MTR: variants seen among roughly 807,000 people sequenced by gnomAD.
MTR encodes 5-methyltetrahydrofolate-homocysteine methyltransferase, also known as methionine synthase.
Under a neutral mutation model 154.8 loss-of-function variants are expected in MTR, and 84 were observed. The observed-to-expected ratio is 0.54, with a 90% CI of 0.45 to 0.65. The LOEUF (loss-of-function observed/expected upper bound fraction) is 0.65. MTR is among the 30% of genes least tolerant of loss of function. The pLI is 0.00. For synonymous variants in MTR, 554 were observed against 553.9 expected (o/e 1.00, Z 0.00); for missense variants, 1,275 against 1,570.2 (o/e 0.81, Z 3.18).
rs755149192 is a variant in MTR at position 236,795,697 on chromosome 1, C to A, written c.-7C>A. The stretch of plus-strand genomic sequence containing the variant: ...GCGCCCTCTGCGCAAGGAGGAGACT[C>A]GACAACATGTCACCCGCGCTCCAAG... On this transcript the variant is annotated 5_prime_UTR_variant, in exon 1 of 33. An upstream open reading frame in the 5' UTR gains an earlier in-frame stop. Coordinates refer to ENST00000366577, the MANE Select transcript of MTR (RefSeq NM_000254.3). 1 of 1,614,102 alleles carries A rather than the reference C, an allele frequency of 6.2e-7. No individual in the cohort carries two copies. Among genetic ancestry groups the A allele is most frequent in the South Asian group, 1.1e-5 (1 of 91,090 alleles).
At chr1:236,823,991 A>C (rs1233219878) in intron 8 of MTR, 128 bp from the exon 9 acceptor site, 6 of 796,380 alleles carry the variant, frequency 7.5e-6, no homozygotes, top group African/African-American at 3.4e-5. Context: ...TGGTAGTTGA[A>C]TAAAAGTGCT....
intron 24 of MTR, among the ~76,000 whole-genome samples, chr1:236,878,137 T>C (rs1326158902): frequency 6.6e-6 from 1 of 152,222 alleles, no homozygotes; most frequent in Non-Finnish European, 1.5e-5. Flanking sequence ...GCTTGCCTTT[T>C]GCTATCTTAG....
chr1:236,837,834 G>A (rs1235701211), intron 14 of MTR, among the ~76,000 whole-genome samples: 1 of 152,170 alleles, frequency 6.6e-6, no homozygotes, highest in African/African-American at 2.4e-5. Flanking sequence ...CTGGAACAGA[G>A]GTATGAATTA....
intron 20 of MTR, 149 bp from the exon 21 acceptor site, chr1:236,862,087 C>A: frequency 1.3e-6 from 1 of 741,684 alleles, no homozygotes. Context: ...GGAGCTTATC[C>A]TTTGTTCTGC....
chr1:236,832,124 G>A, intron 13 of MTR, 46 bp downstream of exon 13: 1 of 1,424,624 alleles, frequency 7.0e-7, no homozygotes, highest in Non-Finnish European at 9.9e-7. Context: ...CATGTCTTTG[G>A]CTAGACAGCA....
At chr1:236,836,283 G>T (rs1662900826) in intron 14 of MTR, among the ~76,000 whole-genome samples, 2 of 151,658 alleles carry the variant, frequency 1.3e-5, no homozygotes, top group Admixed American at 6.6e-5. Flanking sequence ...CCCTCCTGAG[G>T]CAGGGTTTTG....
chr1:236,858,971 T>C (rs1326516411), intron 18 of MTR, among the ~76,000 whole-genome samples: 3 of 152,254 alleles, frequency 2.0e-5, no homozygotes, highest in Admixed American at 2.0e-4. Context: ...ATGTACTTAG[T>C]CTGTATTATG....
At chr1:236,809,387 C>T (rs1029771058) in intron 4 of MTR, among the ~76,000 whole-genome samples, 2 of 152,120 alleles carry the variant, frequency 1.3e-5, no homozygotes, top group African/African-American at 4.8e-5. Flanking sequence ...TGGTAGGAGG[C>T]TTTGAGGGAG....
chr1:236,823,231 C>A (rs1320271382), intron 8 of MTR, among the ~76,000 whole-genome samples: 1 of 152,058 alleles, frequency 6.6e-6, no homozygotes, highest in African/African-American at 2.4e-5. Flanking sequence ...ATGCTTGGGA[C>A]CAGAAGTGTT....
Position 236,795,549 on chromosome 1 carries a change from C to G in MTR, c.-155C>G, listed in dbSNP as rs762329418. The G allele has an allele frequency of 1.3e-6, 2 of 1,538,554 alleles. No individual in the cohort carries two copies. The highest frequency in any genetic ancestry group is 1.4e-5 in the African/African-American group (1 of 73,142). ...GCTGCGGGCTTTCGGGGTCCGCAGT[C>G]CCCCCGCGACGCGAGCCAACGGGAG... On this transcript the variant is annotated 5_prime_UTR_variant, in exon 1 of 33. Coordinates refer to ENST00000366577, the MANE Select transcript of MTR (RefSeq NM_000254.3).
chr1:236,835,703 T>A lies in MTR; in HGVS notation c.1329+16T>A. 1 of 1,613,622 alleles carries A rather than the reference T, an allele frequency of 6.2e-7. No homozygotes were observed. Among genetic ancestry groups the A allele is most frequent in the East Asian group, 2.2e-5 (1 of 44,870 alleles). ...CATCGCAAAGGTTATACAAAGTTTA[T>A]GTTTATCAGGGGGATTTACTTGTCT... On this transcript the variant is annotated intron_variant, in intron 14 of 32. Coordinates refer to ENST00000366577, the MANE Select transcript of MTR (RefSeq NM_000254.3).
intron 19 of MTR, 41 bp downstream of exon 19, chr1:236,859,963 C>G (rs367982571): frequency 2.6e-6 from 4 of 1,530,914 alleles, no homozygotes; most frequent in Non-Finnish European, 3.6e-6. Flanking sequence ...GGAGGCTCAT[C>G]ATGGCTGACT....
intron 25 of MTR, among the ~76,000 whole-genome samples, chr1:236,882,552 G>A (rs532841479): frequency 2.0e-5 from 3 of 152,062 alleles, no homozygotes; most frequent in African/African-American, 4.8e-5. Context: ...CACCACTTCC[G>A]GCTAATTTTT....
At chr1:236,838,744 G>A (rs767702506) in intron 15 of MTR, 145 bp downstream of exon 15, 13 of 827,562 alleles carry the variant, frequency 1.6e-5, no homozygotes, top group African/African-American at 3.4e-5. Flanking sequence ...ATATGTACAC[G>A]TATCTGTATA....
chr1:236,846,016 G>C (rs568664828), intron 15 of MTR, among the ~76,000 whole-genome samples: 11 of 152,340 alleles, frequency 7.2e-5, no homozygotes, highest in African/African-American at 2.6e-4. Flanking sequence ...ATATCTGGCT[G>C]CTGTGTTTGA....
At chr1:236,801,945 G>A (rs1303230915) in intron 1 of MTR, among the ~76,000 whole-genome samples, 5 of 152,186 alleles carry the variant, frequency 3.3e-5, no homozygotes, top group Non-Finnish European at 7.3e-5. Flanking sequence ...TAGGACACTT[G>A]ATAGTTTACA....
chr1:236,863,506 A>T lies in MTR; in HGVS notation c.2357A>T (p.Asp786Val). Residue 786 changes from aspartate to valine, a missense_variant, in exon 22 of 33, where the codon GAC becomes GTC. Physicochemically the swap from Asp to Val is radical, Grantham distance 152. Transcript: ENST00000366577. Reference sequence around the variant, plus strand: ...GCCACTGTTAAAGGCGACGTGCACGACATAGGCAAGAACATAGTTGGAGTA... The same window carrying T: ...GCCACTGTTAAAGGCGACGTGCACGTCATAGGCAAGAACATAGTTGGAGTA... ...VLATVKGDVH[D>V]IGKNIVGVVL... The T allele has an allele frequency of 6.2e-7, 1 of 1,614,088 alleles. No homozygotes were observed. The highest frequency in any genetic ancestry group is 1.1e-5 in the South Asian group (1 of 91,084).
At chr1:236,816,017 A>C (rs1199581055) in intron 7 of MTR, among the ~76,000 whole-genome samples, 1 of 152,190 alleles carries the variant, frequency 6.6e-6, no homozygotes, top group African/African-American at 2.4e-5. Flanking sequence ...CCAGACTGCC[A>C]ATTTATTAAC....
intron 13 of MTR, among the ~76,000 whole-genome samples, chr1:236,833,151 C>T (rs1325567099): frequency 6.6e-6 from 1 of 152,198 alleles, no homozygotes; most frequent in Non-Finnish European, 1.5e-5. Flanking sequence ...TCGCTTCTGA[C>T]TCTGTGCCTT....
Sources: gnomAD v4.1 joint callset for allele counts (sites outside exome capture counted in the v4.1 genomes callset) on GRCh38, gnomAD v4.1.1 for gene constraint, MANE v1.5 for transcripts, NCBI Gene and HGNC (gene_info 2026-07-23, HGNC 2026-07-21) for gene names.